MTBP: variants seen among roughly 807,000 people sequenced by gnomAD.
The protein encoded by MTBP is MDM2 binding protein.
MTBP carries 101 observed loss-of-function variants against 117.0 expected under a neutral mutation model. That is an observed-to-expected ratio of 0.86 (90% confidence interval 0.73 to 1.02). The LOEUF (loss-of-function observed/expected upper bound fraction) is 1.02, where lower values mean the gene tolerates loss of function less well. MTBP is among the 50% of genes least tolerant of loss of function. MTBP has a pLI of 0.00. For missense variants in MTBP, 970 were observed against 1,030.9 expected, an observed-to-expected ratio of 0.94 and a Z score of 0.81; for synonymous variants, 350 against 351.5, an observed-to-expected ratio of 1.00 and a Z score of 0.05.
chr8:120,497,488 G>C lies in MTBP; in HGVS notation c.1543G>C (p.Asp515His), dbSNP rs1814493155. Reference sequence around the variant, plus strand: ...AAGGAAACACTTTTTAGATTATTTTGATGCTGTGATTCCTAAAATGATTCT... The same window carrying C: ...AAGGAAACACTTTTTAGATTATTTTCATGCTGTGATTCCTAAAATGATTCT... ...LTRKHFLDYF[D>H]AVIPKMILRK... is the part of the protein sequence containing the mutation. The change falls in exon 14 of 22, where the codon GAT becomes CAT. Residue 515 changes from aspartate to histidine, a missense_variant. Coordinates refer to ENST00000305949, the MANE Select transcript of MTBP (RefSeq NM_022045.5). 1 of 1,590,128 alleles carries C rather than the reference G, an allele frequency of 6.3e-7. No homozygotes were observed. The highest frequency in any genetic ancestry group is 2.2e-5 in the East Asian group (1 of 44,578).
At chr8:120,502,765 A>G (rs1334826802) in intron 15 of MTBP, among the ~76,000 whole-genome samples, 156 bp downstream of exon 15, 1 of 152,226 alleles carries the variant, frequency 6.6e-6, no homozygotes, top group Non-Finnish European at 1.5e-5. Flanking sequence ...TCACTAGAGT[A>G]GTATATCAAT....
In MTBP at chr8:120,516,065, C is replaced by G. The variant is rs139028669; in HGVS notation, c.2120C>G (p.Ser707Cys). The G allele has an allele frequency of 1.1e-5, 18 of 1,612,960 alleles. No homozygotes were observed. Among genetic ancestry groups the G allele is most frequent in the Admixed American group, 1.7e-5 (1 of 59,916 alleles). The change falls in exon 18 of 22, where the codon TCT (serine) becomes TGT (cysteine). Residue 707 changes from serine (S) to cysteine (C), a missense_variant. Ser to Cys is a moderately radical substitution (Grantham distance 112). Transcript: ENST00000305949. The stretch of plus-strand genomic sequence containing the variant: ...CCTACTGTGTTGAGCCCTCTTCCAT[C>G]TCCTGTAGTTTCGTCAGATCCTGGA... The part of the protein sequence containing the change: ...PVPTVLSPLP[S>C]PVVSSDPGSV...
chr8:120,508,014 G>A (rs1464964507), intron 16 of MTBP, among the ~76,000 whole-genome samples: 1 of 152,146 alleles, frequency 6.6e-6, no homozygotes, highest in Non-Finnish European at 1.5e-5. Flanking sequence ...CATTGTAGGG[G>A]AGATAAAGTT....
chr8:120,458,313 A>G (rs529869782), intron 7 of MTBP, among the ~76,000 whole-genome samples: 3 of 152,184 alleles, frequency 2.0e-5, no homozygotes, highest in Non-Finnish European at 4.4e-5. Context: ...TTGGTGCTGC[A>G]GTTGTCTTCA....
rs557431910 is a variant in MTBP, at chr8:120,485,793, G to A, written c.1166-2366G>A. 1.4e-4 allele frequency among the ~76,000 whole-genome samples: 22 copies of A among 152,154 alleles called. No homozygotes were observed. In the East Asian group the frequency reaches 1.9e-3, roughly 13 times the overall value. On this transcript the variant is annotated intron_variant, in intron 11 of 21. Transcript: ENST00000305949. ...TTATTAGGTTTGTTTTCTTGTTTGC[G>A]TATTTATTTGTTGTATGAGTTGGCT...
chr8:120,493,790 CAGATTTG>C (rs1814398503), intron 13 of MTBP, among the ~76,000 whole-genome samples: 1 of 152,100 alleles, frequency 6.6e-6, no homozygotes, highest in Non-Finnish European at 1.5e-5. Flanking sequence ...CACACCCGGC[CAGATTTG>C]AGTATATTTT....
intron 17 of MTBP, among the ~76,000 whole-genome samples, chr8:120,510,243 A>C (rs776742661): frequency 1.8e-4 from 27 of 152,220 alleles, no homozygotes; most frequent in Non-Finnish European, 3.1e-4. Flanking sequence ...TAAGCATCCT[A>C]TTATTAGTTA....
At chr8:120,515,537 G>T (rs1814901022) in intron 17 of MTBP, among the ~76,000 whole-genome samples, 2 of 151,998 alleles carry the variant, frequency 1.3e-5, no homozygotes, top group African/African-American at 4.8e-5. Flanking sequence ...GAATAAACTT[G>T]CCCTTTCTAA....
intron 16 of MTBP, 143 bp downstream of exon 16, chr8:120,507,004 T>A: frequency 1.6e-6 from 1 of 643,952 alleles, no homozygotes; most frequent in Non-Finnish European, 2.5e-6. Context: ...CTGTTGGCCT[T>A]AATCTTCACT....
chr8:120,463,379 G>A (rs1213470183), intron 9 of MTBP, among the ~76,000 whole-genome samples: 1 of 152,002 alleles, frequency 6.6e-6, no homozygotes, highest in Admixed American at 6.6e-5. Flanking sequence ...ATTGTTATTG[G>A]CTGGAAATGA....
intron 14 of MTBP, among the ~76,000 whole-genome samples, chr8:120,498,548 T>G (rs887822738): frequency 6.6e-6 from 1 of 152,214 alleles, no homozygotes; most frequent in African/African-American, 2.4e-5. Flanking sequence ...CCTCTGCTTC[T>G]TTATCTTTAA....
chr8:120,450,964 G>A, intron 2 of MTBP, 39 bp from the exon 3 acceptor site: 1 of 1,440,832 alleles, frequency 6.9e-7, no homozygotes, highest in Middle Eastern at 1.9e-4. Context: ...GCTTATTTAT[G>A]GTATGCCTTT....
At chr8:120,447,064 A>G (rs980809827) in intron 2 of MTBP, among the ~76,000 whole-genome samples, 6 of 152,272 alleles carry the variant, frequency 3.9e-5, no homozygotes, top group South Asian at 4.1e-4. Context: ...ATACAAATGC[A>G]TTTACTGACT....
chr8:120,477,632 G>A (rs1670258385), intron 11 of MTBP, among the ~76,000 whole-genome samples: 1 of 152,126 alleles, frequency 6.6e-6, no homozygotes, highest in South Asian at 2.1e-4. Context: ...CATTTATGCA[G>A]CCAATAAACA....
chr8:120,517,965 G>A lies in MTBP; in HGVS notation c.2361G>A (p.Val787=). 1.2e-6 allele frequency: 2 copies of A among 1,612,790 alleles called. No individual in the cohort carries two copies. The highest frequency in any genetic ancestry group is 2.2e-5 in the East Asian group (1 of 44,828). ...RKPQTERSLP[V]TCPLVPIPSC... ...CACAAACAGAACGGTCCTTACCAGT[G>A]ACTTGTCCATTGGTTCCAATTCCTA... Residue 787 remains valine (V), a synonymous_variant, in exon 19 of 22, where the codon GTG becomes GTA. Coordinates refer to ENST00000305949, the MANE Select transcript of MTBP (RefSeq NM_022045.5).
intron 13 of MTBP, among the ~76,000 whole-genome samples, chr8:120,493,955 A>G (rs1353208370): frequency 6.6e-6 from 1 of 152,192 alleles, no homozygotes; most frequent in Non-Finnish European, 1.5e-5. Context: ...TGATTTTCTC[A>G]CTAAGAGGAT....
In MTBP at chr8:120,490,528, CAGTT is replaced by C; in HGVS notation, c.1408_1411del (p.Ala471MetfsTer5). On this transcript the variant is annotated frameshift_variant, in exon 13 of 22. Coordinates refer to ENST00000305949, the MANE Select transcript of MTBP (RefSeq NM_022045.5). LOFTEE classifies it high-confidence loss of function. The stretch of plus-strand genomic sequence containing the variant: ...GGAGCAGATTGTACAGAGAGAGAAA[CAGTT>C]AGCTAATGTTCAAGTTTTAGCTTTG... The C allele has an allele frequency of 3.7e-6, 6 of 1,608,130 alleles. No homozygotes were observed. The highest frequency in any genetic ancestry group is 1.1e-5 in the South Asian group (1 of 89,374).
At chr8:120,468,255 C>A (rs1180427961) in intron 10 of MTBP, among the ~76,000 whole-genome samples, 2 of 151,652 alleles carry the variant, frequency 1.3e-5, no homozygotes, top group African/African-American at 4.8e-5. Context: ...TTCTTTTAAC[C>A]TTTCTTATTT....
intron 11 of MTBP, among the ~76,000 whole-genome samples, chr8:120,481,136 C>T (rs763049517): frequency 7.2e-5 from 11 of 152,154 alleles, no homozygotes; most frequent in Non-Finnish European, 1.5e-4. Flanking sequence ...AAATGTGATT[C>T]TACAACACAC....
Sources: allele counts gnomAD v4.1 joint callset (sites outside exome capture counted in the v4.1 genomes callset), GRCh38; gene constraint gnomAD v4.1.1; transcripts MANE v1.5; gene names NCBI Gene and HGNC (gene_info 2026-07-23, HGNC 2026-07-21).